Variants in LGSN observed in about 807,000 individuals in gnomAD.
The protein encoded by LGSN is lengsin.
In LGSN, 21 loss-of-function variants were observed where a neutral mutation model predicts 19.5. That is an observed-to-expected ratio of 1.07 (90% CI 0.76 to 1.55). The LOEUF is 1.55. Among genes scored for constraint, LGSN ranks in the 40% most tolerant of loss-of-function variants. The probability of loss-of-function intolerance (pLI) is 0.00; values close to 1 mark genes in which losing one functional copy is unlikely to be tolerated. For synonymous variants in LGSN, 257 were observed against 215.6 expected, an observed-to-expected ratio of 1.19 and a Z score of -1.68; for missense variants, 673 against 608.5, an observed-to-expected ratio of 1.11 and a Z score of -1.12.
At chr6:63,556,336 G>A in the LGSN span, among the ~76,000 whole-genome samples, 1 of 150,162 alleles carries the variant, frequency 6.7e-6, no homozygotes, top group Non-Finnish European at 1.5e-5. Flanking sequence ...TTTTTTTCTT[G>A]CCTTTTTCTT....
At chr6:63,507,722 A>G in the LGSN span, among the ~76,000 whole-genome samples, 1 of 152,120 alleles carries the variant, frequency 6.6e-6, no homozygotes, top group Non-Finnish European at 1.5e-5. Context: ...ATCCCAGTAA[A>G]TTTCCTTTAT....
the LGSN span, among the ~76,000 whole-genome samples, chr6:63,505,601 G>GAAAT: frequency 0.047 from 5,458 of 115,774 alleles, 754 homozygotes; most frequent in Admixed American, 0.098. Context: ...AAGAAAGAAA[G>GAAAT]AAAGAAAGAA....
chr6:63,569,317 A>G, the LGSN span, among the ~76,000 whole-genome samples: 1 of 152,178 alleles, frequency 6.6e-6, no homozygotes, highest in African/African-American at 2.4e-5. Flanking sequence ...GTGCAGTGCC[A>G]TGATCTCGGC....
chr6:63,283,675 G>A (rs1767412525), intron 3 of LGSN, among the ~76,000 whole-genome samples: 1 of 149,574 alleles, frequency 6.7e-6, no homozygotes, highest in South Asian at 2.1e-4. Context: ...CGATATTTAG[G>A]TTACTTTGCA....
intron 2 of LGSN, among the ~76,000 whole-genome samples, chr6:63,288,464 A>G (rs1392688373): frequency 1.7e-4 from 25 of 143,078 alleles, no homozygotes. Flanking sequence ...AAAGGGCTGG[A>G]AAAAAAAAAA....
the LGSN span, among the ~76,000 whole-genome samples, chr6:63,523,393 G>A: frequency 5.6e-3 from 852 of 152,108 alleles, 9 homozygotes; most frequent in South Asian, 0.028. Flanking sequence ...AATTAGCCAG[G>A]CATGATGGGG....
At chr6:63,326,780 A>C in the LGSN span, among the ~76,000 whole-genome samples, 2 of 151,962 alleles carry the variant, frequency 1.3e-5, no homozygotes, top group African/African-American at 4.8e-5. Context: ...CCCACCCAGA[A>C]CTCCAGCTGG....
the LGSN span, among the ~76,000 whole-genome samples, chr6:63,522,804 A>G: frequency 6.6e-6 from 1 of 151,864 alleles, no homozygotes; most frequent in Non-Finnish European, 1.5e-5. Flanking sequence ...TTTAATTACC[A>G]TGTAAAGTGA....
chr6:63,554,333 A>G, the LGSN span, among the ~76,000 whole-genome samples: 1 of 152,190 alleles, frequency 6.6e-6, no homozygotes, highest in African/African-American at 2.4e-5. Context: ...TACTGGGAGT[A>G]TCTTGTCCAG....
At chr6:63,571,957 ATAT>A in the LGSN span, 5 of 152,164 alleles carry the variant, frequency 3.3e-5, no homozygotes, top group African/African-American at 1.2e-4. Flanking sequence ...TGCGACATAA[ATAT>A]TATTTGATGA....
At chr6:63,352,682 GACAC>G in the LGSN span, among the ~76,000 whole-genome samples, 40 of 145,048 alleles carry the variant, frequency 2.8e-4, no homozygotes, top group South Asian at 3.6e-3. Flanking sequence ...CACACACACA[GACAC>G]ACACACACAC....
the LGSN span, among the ~76,000 whole-genome samples, chr6:63,572,964 C>T: frequency 1.3e-5 from 2 of 152,094 alleles, no homozygotes; most frequent in South Asian, 2.1e-4. Context: ...GAGGCACCGG[C>T]TTTTGAGTCC....
the LGSN span, among the ~76,000 whole-genome samples, chr6:63,432,171 A>AAGAAAGAAAGAAAGAG: frequency 1.1e-5 from 1 of 93,956 alleles, no homozygotes; most frequent in Non-Finnish European, 2.0e-5. Flanking sequence ...GAAAGAAAGA[A>AAGAAAGAAAGAAAGAG]AAGGAAAGAA....
chr6:63,457,308 C>T, the LGSN span, among the ~76,000 whole-genome samples: 1 of 152,082 alleles, frequency 6.6e-6, no homozygotes. Flanking sequence ...AGTTCGAGAC[C>T]AGCCTGGCCA....
the LGSN span, among the ~76,000 whole-genome samples, chr6:63,505,298 C>T: frequency 1.1e-4 from 17 of 151,424 alleles, no homozygotes; most frequent in Non-Finnish European, 5.9e-5. Flanking sequence ...AAAGTAAAGC[C>T]GGGCGTAGTG....
the LGSN span, among the ~76,000 whole-genome samples, chr6:63,335,230 A>G: frequency 4.6e-5 from 7 of 152,216 alleles, no homozygotes; most frequent in African/African-American, 1.7e-4. Flanking sequence ...ATGCCAAAGA[A>G]TGAGACTAGA....
chr6:63,551,696 CCCA>C, the LGSN span, among the ~76,000 whole-genome samples: 2 of 150,538 alleles, frequency 1.3e-5, no homozygotes, highest in African/African-American at 4.9e-5. Context: ...CTCCCCCTAC[CCCA>C]CAACAGGCCC....
At chr6:63,515,851 T>C in the LGSN span, among the ~76,000 whole-genome samples, 423 of 152,312 alleles carry the variant, frequency 2.8e-3, 1 homozygote, top group African/African-American at 9.7e-3. Context: ...TAATGTGTTA[T>C]ATGATTTAGA....
At chr6:63,406,671 T>C in the LGSN span, among the ~76,000 whole-genome samples, 8 of 151,716 alleles carry the variant, frequency 5.3e-5, no homozygotes, top group African/African-American at 1.9e-4. Flanking sequence ...AAAAAATAAC[T>C]AAAATCAGAG....
Sources: allele counts gnomAD v4.1 joint callset (sites outside exome capture counted in the v4.1 genomes callset), GRCh38; gene constraint gnomAD v4.1.1; transcripts MANE v1.5; gene names NCBI Gene and HGNC (gene_info 2026-07-23, HGNC 2026-07-21).